RDH12: variants seen among roughly 807,000 people sequenced by gnomAD.
RDH12 encodes all-trans and 9-cis retinol dehydrogenase.
Under a neutral mutation model 34.0 loss-of-function variants are expected in RDH12, and 21 were observed. That is an observed-to-expected ratio of 0.62 (90% CI 0.44 to 0.89). The LOEUF (loss-of-function observed/expected upper bound fraction) is 0.89. Among genes scored for constraint, RDH12 ranks in the 40% least tolerant of loss-of-function variants. The pLI is 0.00. For synonymous variants in RDH12, 198 were observed against 169.9 expected (o/e 1.17, Z -1.29); for missense variants, 394 against 398.6 (o/e 0.99, Z 0.10).
At chr14:67,722,385 A>C in intron 2 of RDH12, 39 bp from the exon 3 acceptor site, 3 of 573,570 alleles carry the variant, frequency 5.2e-6, no homozygotes, top group Non-Finnish European at 9.4e-6. Context: ...AGTAAACCTA[A>C]GTAAGCTTCA....
In RDH12 at chr14:67,724,569, G is replaced by C. The variant is rs751674066; in HGVS notation, c.165G>C (p.Thr55=). ...TGANTGIGKE[T]ARELASRGAR... is the part of the protein sequence containing the mutation. ...CCAACACGGGCATTGGCAAGGAGAC[G>C]GCCAGAGAGCTCGCTAGCCGAGGTA... The change falls in exon 4 of 9, where the codon ACG becomes ACC. Residue 55 remains threonine (T), a synonymous_variant. Transcript: ENST00000551171. 1.2e-6 allele frequency: 2 copies of C among 1,613,614 alleles called. No homozygotes were observed. The highest frequency in any genetic ancestry group is 2.2e-5 in the South Asian group (2 of 91,058).
Position 67,702,436 on chromosome 14 carries a change from T to TA in RDH12, c.-275+509dup, listed in dbSNP as rs542157763. On this transcript the variant is annotated intron_variant, in intron 1 of 8. Transcript: ENST00000551171. ...AACAATATTAAATTAGTCTTACTTATAAAAAAAATCACACAAAGATTATTT... is the reference window on the plus strand; with the variant it reads ...AACAATATTAAATTAGTCTTACTTATAAAAAAAAATCACACAAAGATTATTT... 4.2e-3 allele frequency among the ~76,000 whole-genome samples: 636 copies of TA among 152,150 alleles called. 2 individuals are homozygous for TA. The highest frequency in any genetic ancestry group is 0.013 in the African/African-American group (535 of 41,532).
intron 8 of RDH12, among the ~76,000 whole-genome samples, chr14:67,731,782 G>C (rs1380943427): frequency 3.3e-5 from 5 of 152,100 alleles, no homozygotes; most frequent in Non-Finnish European, 2.9e-5. Flanking sequence ...GGAGAGCCAA[G>C]CAGAGTGTGA....
intron 2 of RDH12, among the ~76,000 whole-genome samples, chr14:67,721,999 G>A (rs989112662): frequency 2.0e-5 from 3 of 152,028 alleles, no homozygotes; most frequent in African/African-American, 4.8e-5. Context: ...TGCACAAGTC[G>A]AAAGCATACG....
At chr14:67,713,397 CAAAAAAAAA>C (rs71129850) in intron 1 of RDH12, among the ~76,000 whole-genome samples, 5 of 47,634 alleles carry the variant, frequency 1.0e-4, no homozygotes, top group Non-Finnish European at 2.1e-4. Context: ...AGTAAAACTC[CAAAAAAAAA>C]AAAAAAAAAA....
At chr14:67,723,110 A>G (rs1348479707) in intron 3 of RDH12, among the ~76,000 whole-genome samples, 1 of 152,204 alleles carries the variant, frequency 6.6e-6, no homozygotes, top group Non-Finnish European at 1.5e-5. Flanking sequence ...GCTGTTAAGT[A>G]CCAGGTAGTT....
chr14:67,714,913 C>G (rs1220319358), intron 1 of RDH12: 1 of 152,362 alleles, frequency 6.6e-6, no homozygotes, highest in Non-Finnish European at 1.5e-5. Flanking sequence ...ATGCCCCACA[C>G]ATGTTACCAC....
Position 67,722,703 on chromosome 14 carries a change from T to C in RDH12, c.61T>C (p.Ser21Pro). 1.2e-6 allele frequency: 2 copies of C among 1,613,520 alleles called. No individual in the cohort carries two copies. Among genetic ancestry groups the C allele is most frequent in the Non-Finnish European group, 1.7e-6 (2 of 1,179,444 alleles). The change falls in exon 3 of 9, where the codon TCC (serine) becomes CCC (proline). Residue 21 changes from serine to proline, a missense_variant. Physicochemically the swap from Ser to Pro is moderately conservative, Grantham distance 74. Coordinates refer to ENST00000551171, the MANE Select transcript of RDH12 (RefSeq NM_152443.3). ...CTCGTTCCTGTATATGGTAGCTCCATCCATCAGGTTTGTCTTAATTCAGCA... is the reference window on the plus strand; with the variant it reads ...CTCGTTCCTGTATATGGTAGCTCCACCCATCAGGTTTGTCTTAATTCAGCA... ...FFSFLYMVAP[S>P]IRKFFAGGVC...
chr14:67,729,611 A>G, intron 8 of RDH12: 2 of 630,454 alleles, frequency 3.2e-6, no homozygotes, highest in Non-Finnish European at 5.7e-6. Flanking sequence ...CCGCTTTTCC[A>G]TGAAAACTTT....
chr14:67,719,329 T>C (rs1000009876), intron 1 of RDH12, among the ~76,000 whole-genome samples: 3 of 152,210 alleles, frequency 2.0e-5, no homozygotes, highest in African/African-American at 4.8e-5. Context: ...CGCAATAGAA[T>C]TTGAGTGCCT....
chr14:67,723,711 G>C (rs1429875059), intron 3 of RDH12, among the ~76,000 whole-genome samples: 1 of 152,320 alleles, frequency 6.6e-6, no homozygotes, highest in African/African-American at 2.4e-5. Flanking sequence ...GAAGTTGAGA[G>C]GATTAAAATA....
chr14:67,727,469 GC>G, intron 7 of RDH12: 3 of 377,624 alleles, frequency 7.9e-6, no homozygotes, highest in South Asian at 2.6e-5. Flanking sequence ...ACAGACAGAG[GC>G]TTTTTGTTTT....
At chr14:67,707,951 C>T (rs1037229816) in intron 1 of RDH12, among the ~76,000 whole-genome samples, 3 of 152,136 alleles carry the variant, frequency 2.0e-5, no homozygotes, top group Non-Finnish European at 4.4e-5. Context: ...AAGTTTGATT[C>T]CAAGGGAAAG....
intron 1 of RDH12, among the ~76,000 whole-genome samples, chr14:67,709,394 A>G (rs2037985784): frequency 1.3e-5 from 2 of 152,206 alleles, no homozygotes; most frequent in Non-Finnish European, 2.9e-5. Flanking sequence ...TAACATTTTA[A>G]TCTTGACCAT....
chr14:67,719,825 A>G (rs1193181635), intron 1 of RDH12, among the ~76,000 whole-genome samples: 3 of 152,072 alleles, frequency 2.0e-5, no homozygotes, highest in African/African-American at 7.2e-5. Context: ...TCTGTTTCTT[A>G]ATTATTTATT....
intron 6 of RDH12, among the ~76,000 whole-genome samples, chr14:67,726,566 G>A (rs2038188854): frequency 1.3e-5 from 2 of 152,166 alleles, no homozygotes; most frequent in South Asian, 4.1e-4. Context: ...GAGGCAGGGT[G>A]GGGTTCAGCG....
chr14:67,711,602 T>C lies in RDH12; in HGVS notation c.-274-9246T>C, dbSNP rs923230018. 3.3e-5 allele frequency among the ~76,000 whole-genome samples: 5 copies of C among 152,344 alleles called. 1 individual carries two copies. Among genetic ancestry groups the C allele is most frequent in the Middle Eastern group, 6.8e-3 (2 of 294 alleles). On this transcript the variant is annotated intron_variant, in intron 1 of 8. Coordinates refer to ENST00000551171, the MANE Select transcript of RDH12 (RefSeq NM_152443.3). ...ATTGTGTACACAACACATAAATGCATTGACATATTAGTCATGCCAATAGAA... is the reference window on the plus strand; with the variant it reads ...ATTGTGTACACAACACATAAATGCACTGACATATTAGTCATGCCAATAGAA...
chr14:67,725,162 G>C lies in RDH12; in HGVS notation c.251G>C (p.Arg84Pro). The C allele has an allele frequency of 6.2e-7, 1 of 1,614,134 alleles. No homozygotes were observed. The highest frequency in any genetic ancestry group is 8.5e-7 in the Non-Finnish European group (1 of 1,180,030). Residue 84 changes from arginine (R) to proline (P), a missense_variant, in exon 5 of 9, where the codon CGA becomes CCA. Physicochemically the swap from Arg to Pro is moderately radical, Grantham distance 103. Transcript: ENST00000551171. ...LKGESAASEI[R>P]VDTKNSQVLV... ...GGGGAGTCTGCTGCCAGTGAAATCCGAGTGGATACAAAGAACTCCCAGGTG... is the reference window on the plus strand; with the variant it reads ...GGGGAGTCTGCTGCCAGTGAAATCCCAGTGGATACAAAGAACTCCCAGGTG...
chr14:67,732,984 G>A (rs1470696118), intron 8 of RDH12, among the ~76,000 whole-genome samples: 8 of 152,120 alleles, frequency 5.3e-5, no homozygotes, highest in Non-Finnish European at 1.0e-4. Flanking sequence ...CATGGGGGGA[G>A]CGGGGAGGGA....
Sources: gnomAD v4.1 joint callset for allele counts (sites outside exome capture counted in the v4.1 genomes callset) on GRCh38, gnomAD v4.1.1 for gene constraint, MANE v1.5 for transcripts, NCBI Gene and HGNC (gene_info 2026-07-23, HGNC 2026-07-21) for gene names.